The following L3MBTL4 variants were observed in gnomAD, a reference collection of about 807,000 sequenced individuals.
L3MBTL4 encodes lethal(3)malignant brain tumor-like protein 4.
In L3MBTL4, 70 loss-of-function variants were observed where a neutral mutation model predicts 84.5. The observed-to-expected ratio is 0.83, with a 90% CI of 0.68 to 1.01. The LOEUF (loss-of-function observed/expected upper bound fraction) is 1.01. Among genes scored for constraint, L3MBTL4 ranks in the 50% least tolerant of loss-of-function variants. The pLI, the probability that L3MBTL4 is intolerant of heterozygous loss-of-function variation, is 0.00. For synonymous variants in L3MBTL4, 274 were observed against 259.8 expected (o/e 1.05, Z -0.52); for missense variants, 715 against 754.8 (o/e 0.95, Z 0.62).
At chr18:6,181,014 A>G (rs74472223) in intron 12 of L3MBTL4, among the ~76,000 whole-genome samples, 2 of 152,220 alleles carry the variant, frequency 1.3e-5, no homozygotes, top group African/African-American at 4.8e-5. Flanking sequence ...AGCCAGGCAC[A>G]AAAGGACAAA....
intron 12 of L3MBTL4, among the ~76,000 whole-genome samples, chr18:6,186,315 T>C (rs2044760313): frequency 6.6e-6 from 1 of 152,180 alleles, no homozygotes; most frequent in South Asian, 2.1e-4. Flanking sequence ...GTGCTGGGAT[T>C]ACAGGCATGA....
intron 1 of L3MBTL4, among the ~76,000 whole-genome samples, chr18:6,345,215 C>CAAAAAAAAAAAAA (rs35502624): frequency 3.8e-3 from 145 of 37,980 alleles, no homozygotes; most frequent in East Asian, 6.5e-3. Context: ...TACTAAAATA[C>CAAAAAAAAAAAAA]AAAAAAAAAA....
intron 12 of L3MBTL4, among the ~76,000 whole-genome samples, chr18:6,175,254 A>C (rs1041163567): frequency 6.6e-6 from 1 of 152,194 alleles, no homozygotes; most frequent in African/African-American, 2.4e-5. Context: ...GAAACAGTGC[A>C]GGCAAGAAGA....
chr18:6,216,338 T>C (rs1477146948), intron 10 of L3MBTL4, among the ~76,000 whole-genome samples: 1 of 152,212 alleles, frequency 6.6e-6, no homozygotes, highest in African/African-American at 2.4e-5. Flanking sequence ...AAACTATATA[T>C]TGAACATGAT....
chr18:6,021,790 G>T (rs1384458808), intron 16 of L3MBTL4, among the ~76,000 whole-genome samples: 1 of 152,088 alleles, frequency 6.6e-6, no homozygotes, highest in Non-Finnish European at 1.5e-5. Flanking sequence ...GGGTTTATCA[G>T]CCTCCCTGCC....
In L3MBTL4 at chr18:6,178,475, CA is replaced by C. The variant is rs2044322730; in HGVS notation, c.982-6534del. 9.2e-5 allele frequency among the ~76,000 whole-genome samples: 14 copies of C among 152,236 alleles called. No homozygotes were observed. In the South Asian group the frequency reaches 2.9e-3, roughly 32 times the overall value. On this transcript the variant is annotated intron_variant, in intron 12 of 18. Transcript: ENST00000317931. ...AGACTGGCATTTTAAGTCTATTTAC[CA>C]AGAGTCCTTTTGTAAAGCAAAGCCT...
chr18:5,971,594 T>C (rs1243457469), intron 16 of L3MBTL4, among the ~76,000 whole-genome samples: 1 of 152,146 alleles, frequency 6.6e-6, no homozygotes, highest in Non-Finnish European at 1.5e-5. Context: ...TTTCTGTGAT[T>C]CCCAAATGAA....
chr18:6,146,270 C>T (rs2042647055), intron 13 of L3MBTL4, among the ~76,000 whole-genome samples: 1 of 152,168 alleles, frequency 6.6e-6, no homozygotes, highest in African/African-American at 2.4e-5. Flanking sequence ...CCCTTCAGAG[C>T]CCACACAGGC....
intron 1 of L3MBTL4, among the ~76,000 whole-genome samples, chr18:6,314,364 A>AAC (rs2050987736): frequency 6.6e-6 from 1 of 152,172 alleles, no homozygotes; most frequent in African/African-American, 2.4e-5. Flanking sequence ...AATAATGTCA[A>AAC]ATTATAAAAC....
At chr18:6,025,600 A>G (rs996616331) in intron 16 of L3MBTL4, among the ~76,000 whole-genome samples, 1 of 152,178 alleles carries the variant, frequency 6.6e-6, no homozygotes, top group African/African-American at 2.4e-5. Flanking sequence ...TCTATATTCT[A>G]AAACAGTGGT....
intron 16 of L3MBTL4, among the ~76,000 whole-genome samples, chr18:6,070,948 G>T (rs1399053922): frequency 6.6e-6 from 1 of 152,058 alleles, no homozygotes; most frequent in Non-Finnish European, 1.5e-5. Context: ...TAGTAGCTGG[G>T]ATATCTACTA....
rs2060091357 is a variant in L3MBTL4, at chr18:6,138,290, T to C, written c.1103A>G (p.Asn368Ser). The change falls in exon 14 of 19, where the codon AAT becomes AGT. Residue 368 changes from asparagine to serine, a missense_variant. By Grantham distance (46) the Asn-to-Ser change is conservative. Coordinates refer to ENST00000317931, the MANE Select transcript of L3MBTL4 (RefSeq NM_001330559.2). ...GHPLEVPQRT[N>S]DLKILPGQAV... ...TTGACCTGGAAGGATCTTCAGGTCA[T>C]TCGTTCCTTCAGGAAGTAAAAGAAC... The C allele has an allele frequency of 6.2e-7, 1 of 1,606,800 alleles. No homozygotes were observed. Among genetic ancestry groups the C allele is most frequent in the Non-Finnish European group, 8.5e-7 (1 of 1,174,978 alleles).
At chr18:6,386,620 C>T (rs151301496) in intron 1 of L3MBTL4, among the ~76,000 whole-genome samples, 3 of 152,218 alleles carry the variant, frequency 2.0e-5, no homozygotes, top group African/African-American at 7.2e-5. Context: ...CGGATCTGAA[C>T]ACGAAGCAAT....
chr18:6,085,620 G>A (rs528898381), intron 15 of L3MBTL4, among the ~76,000 whole-genome samples: 4 of 152,254 alleles, frequency 2.6e-5, no homozygotes, highest in African/African-American at 7.2e-5. Flanking sequence ...TTCCTCCTGT[G>A]TTCATTCTCC....
intron 1 of L3MBTL4, among the ~76,000 whole-genome samples, chr18:6,343,661 C>T (rs1167458987): frequency 1.2e-5 from 1 of 85,828 alleles, no homozygotes; most frequent in Non-Finnish European, 2.5e-5. Flanking sequence ...GACACCATAT[C>T]AAAAAAAAAA....
chr18:6,000,724 G>T (rs1021058870), intron 16 of L3MBTL4, among the ~76,000 whole-genome samples: 10 of 152,144 alleles, frequency 6.6e-5, no homozygotes, highest in Non-Finnish European at 7.4e-5. Context: ...TCAGTGAATT[G>T]GAATGCAATA....
At chr18:6,087,162 G>A (rs2058285813) in intron 15 of L3MBTL4, among the ~76,000 whole-genome samples, 1 of 152,204 alleles carries the variant, frequency 6.6e-6, no homozygotes, top group African/African-American at 2.4e-5. Context: ...AAGGTTGAAT[G>A]AATGAATATG....
intron 16 of L3MBTL4, among the ~76,000 whole-genome samples, chr18:5,974,808 G>GA (rs1238505332): frequency 2.6e-5 from 4 of 152,096 alleles, no homozygotes; most frequent in Non-Finnish European, 4.4e-5. Context: ...CTACAAAAAA[G>GA]AAAAAATTAG....
At chr18:6,406,630 G>C (rs888447540) in intron 1 of L3MBTL4, among the ~76,000 whole-genome samples, 3 of 152,168 alleles carry the variant, frequency 2.0e-5, no homozygotes, top group South Asian at 2.1e-4. Flanking sequence ...CAGCTAAGGA[G>C]GGGGAGGTGC....
Sources: allele counts gnomAD v4.1 joint callset (sites outside exome capture counted in the v4.1 genomes callset), GRCh38; gene constraint gnomAD v4.1.1; transcripts MANE v1.5; gene names NCBI Gene and HGNC (gene_info 2026-07-23, HGNC 2026-07-21).